Variants in CPQ observed in about 807,000 individuals in gnomAD.
CPQ encodes Ser-Met dipeptidase.
In CPQ, 37 loss-of-function variants were observed where a neutral mutation model predicts 45.7. That is an observed-to-expected ratio of 0.81 (90% confidence interval 0.62 to 1.07). The LOEUF (loss-of-function observed/expected upper bound fraction) is 1.07. CPQ is among the 50% of genes least tolerant of loss of function. CPQ has a pLI of 0.00. For missense variants in CPQ, 537 were observed against 572.9 expected (o/e 0.94, Z 0.64); for synonymous variants, 186 against 205.8 (o/e 0.90, Z 0.82).
At chr8:96,840,074 A>G (rs1369965187) in intron 3 of CPQ, among the ~76,000 whole-genome samples, 1 of 152,154 alleles carries the variant, frequency 6.6e-6, no homozygotes, top group Non-Finnish European at 1.5e-5. Flanking sequence ...AGGAATCTAG[A>G]GGAGATAACA....
chr8:96,954,926 C>A (rs1183914159), intron 4 of CPQ, among the ~76,000 whole-genome samples: 1 of 152,114 alleles, frequency 6.6e-6, no homozygotes, highest in East Asian at 1.9e-4. Flanking sequence ...AGGACATGAA[C>A]TCATCATTTT....
chr8:96,929,227 G>T (rs1040922683), intron 4 of CPQ, among the ~76,000 whole-genome samples: 5 of 152,134 alleles, frequency 3.3e-5, no homozygotes, highest in African/African-American at 1.2e-4. Flanking sequence ...CCCTTTCAAA[G>T]GCAAAGGAAT....
At chr8:96,947,575 A>G (rs560721202) in intron 4 of CPQ, among the ~76,000 whole-genome samples, 14 of 152,108 alleles carry the variant, frequency 9.2e-5, no homozygotes, top group Non-Finnish European at 2.1e-4. Context: ...AAATTTTAGA[A>G]TTGTGTTTTC....
At chr8:96,662,875 C>G (rs1586349311) in intron 1 of CPQ, among the ~76,000 whole-genome samples, 1 of 152,080 alleles carries the variant, frequency 6.6e-6, no homozygotes, top group Non-Finnish European at 1.5e-5. Context: ...GTGGTCCCAG[C>G]TACTTGAGAG....
At chr8:96,806,956 A>G (rs1003479867) in intron 2 of CPQ, among the ~76,000 whole-genome samples, 3 of 152,218 alleles carry the variant, frequency 2.0e-5, no homozygotes, top group Non-Finnish European at 4.4e-5. Flanking sequence ...TGTACCCTAT[A>G]AATGTATATA....
At chr8:96,723,048 T>C (rs1809786316) in intron 1 of CPQ, among the ~76,000 whole-genome samples, 1 of 152,172 alleles carries the variant, frequency 6.6e-6, no homozygotes, top group Non-Finnish European at 1.5e-5. Flanking sequence ...GCTTGTTTTT[T>C]GGGGAAAGTT....
chr8:96,867,846 G>A (rs188332061), intron 3 of CPQ, among the ~76,000 whole-genome samples: 42 of 152,042 alleles, frequency 2.8e-4, no homozygotes, highest in Non-Finnish European at 5.9e-4. Flanking sequence ...TTTTTATGGT[G>A]TCCAGTTTCA....
intron 7 of CPQ, among the ~76,000 whole-genome samples, chr8:97,112,330 G>A (rs896878545): frequency 6.6e-6 from 1 of 152,098 alleles, no homozygotes; most frequent in Non-Finnish European, 1.5e-5. Flanking sequence ...TACAAGGACT[G>A]TGGGCATATG....
rs573181178 is a variant in CPQ at position 96,805,940 on chromosome 8, G to A, written c.433+20610G>A. On this transcript the variant is annotated intron_variant, in intron 2 of 7. Coordinates refer to ENST00000220763, the MANE Select transcript of CPQ (RefSeq NM_016134.4). ...TAACGGGGTTGCATATGACCTTCTGGGTGGTTCTAGAGTCTGGATCTGAGT... is the reference window on the plus strand; with the variant it reads ...TAACGGGGTTGCATATGACCTTCTGAGTGGTTCTAGAGTCTGGATCTGAGT... 6.3e-4 allele frequency among the ~76,000 whole-genome samples: 96 copies of A among 152,228 alleles called. 2 individuals are homozygous for A. In the South Asian group the frequency reaches 0.02, roughly 31 times the overall value.
intron 7 of CPQ, among the ~76,000 whole-genome samples, chr8:97,129,548 T>A (rs1487332275): frequency 6.6e-6 from 1 of 152,114 alleles, no homozygotes; most frequent in Admixed American, 6.6e-5. Context: ...ACTTGTTTCA[T>A]CATTAAACCA....
chr8:97,126,053 CTA>C (rs1202304515), intron 7 of CPQ, among the ~76,000 whole-genome samples: 1 of 152,076 alleles, frequency 6.6e-6, no homozygotes, highest in African/African-American at 2.4e-5. Flanking sequence ...CTGTAGTTAA[CTA>C]TGTGTGTATT....
At chr8:96,662,670 C>A (rs149280452) in intron 1 of CPQ, among the ~76,000 whole-genome samples, 2 of 152,278 alleles carry the variant, frequency 1.3e-5, no homozygotes, top group African/African-American at 4.8e-5. Flanking sequence ...CTGGCATTTC[C>A]TTTTTGTTGG....
intron 1 of CPQ, among the ~76,000 whole-genome samples, chr8:96,657,217 C>T (rs956039262): frequency 4.6e-5 from 7 of 151,908 alleles, no homozygotes; most frequent in South Asian, 2.1e-4. Flanking sequence ...TGGTGGTGTG[C>T]GTCTGTAATC....
intron 2 of CPQ, among the ~76,000 whole-genome samples, chr8:96,814,001 C>CAT (rs1554570312): frequency 1.3e-5 from 2 of 150,772 alleles, no homozygotes; most frequent in South Asian, 4.2e-4. Context: ...TATATATACA[C>CAT]ACATATATAT....
chr8:96,786,365 T>C (rs1296038119), intron 2 of CPQ, among the ~76,000 whole-genome samples: 1 of 152,206 alleles, frequency 6.6e-6, no homozygotes, highest in Admixed American at 6.6e-5. Context: ...TTTCATTCTT[T>C]TTATTGCTCA....
chr8:96,918,251 C>T (rs542737647), intron 4 of CPQ, among the ~76,000 whole-genome samples: 13 of 152,216 alleles, frequency 8.5e-5, no homozygotes, highest in African/African-American at 3.1e-4. Context: ...ATGTACTTTA[C>T]AGCTTGAGAT....
chr8:97,049,357 A>C (rs1219742862), intron 6 of CPQ, among the ~76,000 whole-genome samples: 2 of 152,244 alleles, frequency 1.3e-5, no homozygotes, highest in African/African-American at 4.8e-5. Flanking sequence ...AGGATGTCAA[A>C]GGGCAGAGCT....
intron 6 of CPQ, among the ~76,000 whole-genome samples, chr8:97,034,484 T>C (rs1452904825): frequency 6.6e-6 from 1 of 152,238 alleles, no homozygotes; most frequent in African/African-American, 2.4e-5. Context: ...ATGACTTATA[T>C]GGACAGTATA....
chr8:96,803,688 T>A (rs1811037298), intron 2 of CPQ, among the ~76,000 whole-genome samples: 1 of 151,482 alleles, frequency 6.6e-6, no homozygotes, highest in African/African-American at 2.4e-5. Flanking sequence ...AATGGACCAG[T>A]GTAGTCACTG....
Sources: gnomAD v4.1 joint callset for allele counts (sites outside exome capture counted in the v4.1 genomes callset) on GRCh38, gnomAD v4.1.1 for gene constraint, MANE v1.5 for transcripts, NCBI Gene and HGNC (gene_info 2026-07-23, HGNC 2026-07-21) for gene names.